SLC29A3: variants seen among roughly 807,000 people sequenced by gnomAD.
SLC29A3 encodes solute carrier family 29 member 3, also known as equilibrative nucleoside transporter 3.
A neutral mutation model predicts 25.4 loss-of-function variants in SLC29A3; 18 were observed. That is an observed-to-expected ratio of 0.71 (90% confidence interval 0.49 to 1.05). The LOEUF is 1.05. SLC29A3 is among the 50% of genes least tolerant of loss of function. The pLI, the probability that SLC29A3 is intolerant of heterozygous loss-of-function variation, is 0.00. For synonymous variants in SLC29A3, 258 were observed against 267.1 expected, an observed-to-expected ratio of 0.97 and a Z score of 0.33; for missense variants, 586 against 609.0, an observed-to-expected ratio of 0.96 and a Z score of 0.40.
chr10:71,332,116 T>C (rs557044644), intron 2 of SLC29A3, among the ~76,000 whole-genome samples: 2 of 152,108 alleles, frequency 1.3e-5, no homozygotes, highest in Admixed American at 1.3e-4. Flanking sequence ...TTTATTCTTT[T>C]TTTCTTTTTT....
chr10:71,336,956 C>T (rs374214214), intron 2 of SLC29A3, among the ~76,000 whole-genome samples: 11 of 152,156 alleles, frequency 7.2e-5, no homozygotes, highest in East Asian at 3.9e-4. Flanking sequence ...AAAGGAGGGA[C>T]GGTTGCATGC....
At chr10:71,329,799 C>T (rs931780543) in intron 2 of SLC29A3, among the ~76,000 whole-genome samples, 6 of 152,216 alleles carry the variant, frequency 3.9e-5, no homozygotes, top group African/African-American at 1.4e-4. Context: ...CCTCTGCCTC[C>T]ACTAGAGTAC....
intron 3 of SLC29A3, among the ~76,000 whole-genome samples, chr10:71,349,046 G>C (rs540300255): frequency 6.6e-6 from 1 of 152,208 alleles, no homozygotes; most frequent in African/African-American, 2.4e-5. Flanking sequence ...TTGGTTGAAG[G>C]CTGCTCTTAG....
chr10:71,319,562 C>T (rs1342510733), intron 1 of SLC29A3: 3 of 397,752 alleles, frequency 7.5e-6, no homozygotes, highest in Non-Finnish European at 1.3e-5. Flanking sequence ...TGGACCTCAC[C>T]GCCTGTATGG....
chr10:71,370,061 A>G (rs1338656724), intron 3 of SLC29A3, among the ~76,000 whole-genome samples: 3 of 152,190 alleles, frequency 2.0e-5, no homozygotes, highest in Non-Finnish European at 2.9e-5. Context: ...CAGTGCTTCT[A>G]TGGTGGCACT....
intron 4 of SLC29A3, among the ~76,000 whole-genome samples, chr10:71,379,245 G>A (rs1847284213): frequency 6.6e-6 from 1 of 152,230 alleles, no homozygotes; most frequent in Non-Finnish European, 1.5e-5. Context: ...CTCAGAGCAG[G>A]CAAGCGTTAA....
At chr10:71,355,652 T>C (rs77796521) in intron 4 of SLC29A3, among the ~76,000 whole-genome samples, 2,349 of 152,242 alleles carry the variant, frequency 0.015, 44 homozygotes, top group African/African-American at 0.046. Context: ...GTTTGGTTGG[T>C]GGGTACTTTG....
chr10:71,350,576 C>T (rs1484528866), intron 3 of SLC29A3, among the ~76,000 whole-genome samples: 1 of 152,120 alleles, frequency 6.6e-6, no homozygotes, highest in Non-Finnish European at 1.5e-5. Flanking sequence ...CTGCTTTTCT[C>T]CCCAGGCCAG....
chr10:71,335,981 C>T (rs1846242114), intron 2 of SLC29A3, among the ~76,000 whole-genome samples: 1 of 152,056 alleles, frequency 6.6e-6, no homozygotes, highest in Non-Finnish European at 1.5e-5. Context: ...GCGGGTGTGT[C>T]CTTGTGAATC....
At chr10:71,350,203 C>A (rs1200647443) in intron 3 of SLC29A3, among the ~76,000 whole-genome samples, 1 of 152,142 alleles carries the variant, frequency 6.6e-6, no homozygotes, top group Non-Finnish European at 1.5e-5. Flanking sequence ...AGTGACAGCA[C>A]CTGCTCTCCC....
intron 4 of SLC29A3, among the ~76,000 whole-genome samples, chr10:71,352,033 C>T (rs570438308): frequency 8.5e-4 from 130 of 152,256 alleles, no homozygotes; most frequent in Admixed American, 1.8e-3. Flanking sequence ...CATAGCTCGA[C>T]GGGGAGCGGA....
At chr10:71,351,473 C>T (rs1008440369) in intron 3 of SLC29A3, 89 bp from the exon 4 acceptor site, 58 of 1,151,816 alleles carry the variant, frequency 5.0e-5, no homozygotes, top group Non-Finnish European at 6.7e-5. Context: ...CTGCTAAGCT[C>T]GCCTGCTTCC....
chr10:71,320,813 G>A (rs1195420889), intron 1 of SLC29A3, among the ~76,000 whole-genome samples: 1 of 152,174 alleles, frequency 6.6e-6, no homozygotes, highest in African/African-American at 2.4e-5. Flanking sequence ...CCTGCAGTGT[G>A]CCTGGGCCCC....
At chr10:71,351,453 A>G in intron 3 of SLC29A3, 109 bp from the exon 4 acceptor site, 1 of 889,800 alleles carries the variant, frequency 1.1e-6, no homozygotes, top group South Asian at 1.5e-5. Flanking sequence ...TGCAGAGTGA[A>G]CAGTCCTAAC....
chr10:71,322,870 C>T lies in SLC29A3; in HGVS notation c.116C>T (p.Pro39Leu), dbSNP rs368939297. The change falls in exon 2 of 6, where the codon CCG (proline) becomes CTG (leucine). Residue 39 changes from proline to leucine, a missense_variant. Pro to Leu is a moderately conservative substitution (Grantham distance 98). Coordinates refer to ENST00000373189, the MANE Select transcript of SLC29A3 (RefSeq NM_018344.6). ...CTGCTTGAGAAGCTGCTGGACCGCC[C>T]GCCCCCTGGCCTGCAGAGGCCCGAG... is the stretch of plus-strand genomic sequence containing the variant. ...EALLEKLLDR[P>L]PPGLQRPEDR... is the part of the protein sequence containing the mutation. 5 of 1,614,120 alleles carry T rather than the reference C, an allele frequency of 3.1e-6. No individual in the cohort carries two copies. Among genetic ancestry groups the T allele is most frequent in the Admixed American group, 1.7e-5 (1 of 60,012 alleles).
Position 71,372,440 on chromosome 10 carries a change from G to C in SLC29A3, c.*95-3255G>C, listed in dbSNP as rs148477472. 4.9e-3 allele frequency among the ~76,000 whole-genome samples: 748 copies of C among 152,280 alleles called. 3 individuals carry two copies. The highest frequency in any genetic ancestry group is 0.017 in the African/African-American group (715 of 41,560). The stretch of plus-strand genomic sequence containing the variant: ...GCAGTCCTCATTAGAATCACCTGGA[G>C]CACTTGGTAAATGCAGATTGCTGTA... On this transcript the variant is annotated intron_variant and NMD_transcript_variant, in intron 3 of 4. Coordinates refer to the SLC29A3 transcript ENST00000642772.
At chr10:71,322,713 C>G in intron 1 of SLC29A3, 43 bp from the exon 2 acceptor site, 1 of 1,612,572 alleles carries the variant, frequency 6.2e-7, no homozygotes. Context: ...GCCTTGGTTT[C>G]TACTCACCTA....
At chr10:71,339,558 G>A (rs1170431125) in intron 2 of SLC29A3, among the ~76,000 whole-genome samples, 1 of 152,058 alleles carries the variant, frequency 6.6e-6, no homozygotes, top group East Asian at 1.9e-4. Context: ...TTGGCTGCTT[G>A]AGGTTCTGCC....
chr10:71,350,424 C>G (rs954281496), intron 3 of SLC29A3, among the ~76,000 whole-genome samples: 1 of 151,840 alleles, frequency 6.6e-6, no homozygotes, highest in East Asian at 1.9e-4. Flanking sequence ...TCCCAGCCCC[C>G]TCCCACTGGT....
Sources: gnomAD v4.1 joint callset for allele counts (sites outside exome capture counted in the v4.1 genomes callset) on GRCh38, gnomAD v4.1.1 for gene constraint, MANE v1.5 for transcripts, NCBI Gene and HGNC (gene_info 2026-07-23, HGNC 2026-07-21) for gene names.